The following MAMLD1 variants were observed in gnomAD, a reference collection of about 807,000 sequenced individuals.
MAMLD1 encodes the protein mastermind-like domain-containing protein 1.
Under a neutral mutation model 45.0 loss-of-function variants are expected in MAMLD1, and 14 were observed. The ratio of observed to expected loss-of-function variants is 0.31; its 90% confidence interval spans 0.21 to 0.49. The LOEUF is 0.49. Ranked by LOEUF, MAMLD1 falls within the 20% of genes least tolerant of loss-of-function variation. The pLI, the probability that MAMLD1 is intolerant of heterozygous loss-of-function variation, is 0.99. For missense variants in MAMLD1, 543 were observed against 603.6 expected (o/e 0.90, Z 1.05); for synonymous variants, 254 against 247.8 (o/e 1.02, Z -0.24).
chrX:150,503,856 A>G (rs2148358756), intron 6 of MAMLD1, among the ~76,000 whole-genome samples: 1 of 111,360 alleles, frequency 9.0e-6, no homozygotes, highest in African/African-American at 3.3e-5. Context: ...TTCCATACCT[A>G]CCTGCCTGTC....
chrX:150,404,015 GAA>G (rs1238398788), intron 1 of MAMLD1, among the ~76,000 whole-genome samples: 2 of 79,552 alleles, frequency 2.5e-5, no homozygotes, highest in African/African-American at 1.1e-4. Flanking sequence ...AAGGAAGAAA[GAA>G]GAAGGGAGGG....
chrX:150,431,827 G>A (rs1557404067), intron 1 of MAMLD1, among the ~76,000 whole-genome samples: 1 of 110,714 alleles, frequency 9.0e-6, no homozygotes, highest in Admixed American at 9.6e-5. Context: ...CTTTTGATGG[G>A]CATTTAGGTT....
At chrX:150,409,097 C>G (rs891764427) in intron 1 of MAMLD1, among the ~76,000 whole-genome samples, 7 of 111,391 alleles carry the variant, frequency 6.3e-5, no homozygotes, top group African/African-American at 2.3e-4. Flanking sequence ...TTTGCTCTGG[C>G]CTTGAGTTGT....
chrX:150,394,129 C>CTTTTTTTTTTTT lies in MAMLD1; in HGVS notation c.-64+30613_-64+30624dup, dbSNP rs781904160. 1.3e-3 allele frequency among the ~76,000 whole-genome samples: 16 copies of CTTTTTTTTTTTT among 12,263 alleles called. 1 individual carries two copies. Among genetic ancestry groups the CTTTTTTTTTTTT allele is most frequent in the East Asian group, 3.6e-3 (1 of 280 alleles). 10.6% of individuals were successfully genotyped at this position (12,263 alleles called of 115,157 possible). On this transcript the variant is annotated intron_variant, in intron 1 of 7. Coordinates refer to ENST00000370401, the MANE Select transcript of MAMLD1 (RefSeq NM_005491.5). Reference sequence around the variant, plus strand: ...GGGGTGTAAGGTCTATATCTACATCCTTTTTTTTTTTTTTTTTTTTTTTTT... The same window carrying CTTTTTTTTTTTT: ...GGGGTGTAAGGTCTATATCTACATCCTTTTTTTTTTTTTTTTTTTTTTTTTTTTTTTTTTTTT...
intron 1 of MAMLD1, among the ~76,000 whole-genome samples, chrX:150,427,395 G>A (rs1002693467): frequency 7.1e-5 from 8 of 112,359 alleles, no homozygotes; most frequent in Non-Finnish European, 1.5e-4. Flanking sequence ...GAAAGCAGGA[G>A]TTCTTTTGGC....
chrX:150,449,529 C>T (rs73246842), intron 2 of MAMLD1, among the ~76,000 whole-genome samples: 4 of 111,726 alleles, frequency 3.6e-5, no homozygotes, highest in South Asian at 3.8e-4. Flanking sequence ...TCAAGATTTG[C>T]GCCCATCAGC....
chrX:150,508,882 G>A (rs1456695730), intron 6 of MAMLD1, among the ~76,000 whole-genome samples: 4 of 111,592 alleles, frequency 3.6e-5, no homozygotes, highest in African/African-American at 6.5e-5. Context: ...AGAGATGGCC[G>A]GGCTCCCCTC....
intron 1 of MAMLD1, among the ~76,000 whole-genome samples, chrX:150,387,350 A>G (rs917608027): frequency 5.4e-5 from 6 of 112,012 alleles, no homozygotes; most frequent in Non-Finnish European, 1.1e-4. Context: ...TAAACTGCCA[A>G]CCAGTTTTTA....
intron 5 of MAMLD1, among the ~76,000 whole-genome samples, chrX:150,491,673 G>GAAAC (rs1382289355): frequency 5.4e-5 from 6 of 112,133 alleles, no homozygotes; most frequent in Non-Finnish European, 1.1e-4. Context: ...GGATAAGATA[G>GAAAC]AAACAAGGCT....
At chrX:150,431,047 C>G (rs1327174421) in intron 1 of MAMLD1, among the ~76,000 whole-genome samples, 1 of 112,336 alleles carries the variant, frequency 8.9e-6, no homozygotes, top group African/African-American at 3.2e-5. Flanking sequence ...AATGTCTTTA[C>G]TATGTTGAGT....
intron 1 of MAMLD1, among the ~76,000 whole-genome samples, chrX:150,387,976 T>A (rs781793523): frequency 2.9e-4 from 32 of 112,115 alleles, no homozygotes; most frequent in Non-Finnish European, 4.9e-4. Flanking sequence ...ATAAAAGATA[T>A]TTATTTATAA....
At chrX:150,415,881 G>A (rs1557403030) in intron 1 of MAMLD1, among the ~76,000 whole-genome samples, 12 of 112,464 alleles carry the variant, frequency 1.1e-4, no homozygotes, top group African/African-American at 3.9e-4. Flanking sequence ...TACAGATTTC[G>A]ATTTTGGAGA....
At chrX:150,481,998 AAG>A (rs2036815863) in intron 5 of MAMLD1, among the ~76,000 whole-genome samples, 1 of 106,835 alleles carries the variant, frequency 9.4e-6, no homozygotes, top group South Asian at 4.3e-4. Context: ...GAAAGAAAGA[AAG>A]AAAGAAAGAA....
intron 2 of MAMLD1, among the ~76,000 whole-genome samples, chrX:150,450,231 GCCTGGCAGAAAGC>G (rs1557404999): frequency 4.2e-3 from 470 of 112,641 alleles, no homozygotes; most frequent in African/African-American, 0.014. Context: ...CCACTGCCAA[GCCTGGCAGAAAGC>G]TAGGCTGCTT....
chrX:150,483,462 C>T lies in MAMLD1; in HGVS notation c.2040+9660C>T, dbSNP rs144454362. 3.6e-3 allele frequency among the ~76,000 whole-genome samples: 402 copies of T among 112,574 alleles called. 4 individuals are homozygous for T. The highest frequency in any genetic ancestry group is 6.3e-3 in the Non-Finnish European group (336 of 53,304). On this transcript the variant is annotated intron_variant, in intron 5 of 7. Transcript: ENST00000370401. Reference sequence around the variant, plus strand: ...AATGAGCTGTATCTGCTAGCCATTGCGGAATGCTAAGTTTTGGAAACTGTT... The same window carrying T: ...AATGAGCTGTATCTGCTAGCCATTGTGGAATGCTAAGTTTTGGAAACTGTT...
At chrX:150,480,253 AG>A (rs1227925395) in intron 5 of MAMLD1, among the ~76,000 whole-genome samples, 2 of 112,294 alleles carry the variant, frequency 1.8e-5, no homozygotes, top group East Asian at 5.6e-4. Context: ...TTTAGCTTGA[AG>A]GGGATAGCAG....
chrX:150,503,573 C>T, intron 6 of MAMLD1, 56 bp downstream of exon 6: 1 of 703,766 alleles, frequency 1.4e-6, no homozygotes, highest in South Asian at 2.3e-5. Flanking sequence ...GGCACAGTCC[C>T]CTGCTCAGCC....
intron 2 of MAMLD1, among the ~76,000 whole-genome samples, chrX:150,455,227 G>A (rs370293381): frequency 3.5e-4 from 39 of 112,188 alleles, no homozygotes; most frequent in African/African-American, 1.0e-3. Context: ...CTCCAAATGC[G>A]CACTTTTAAA....
intron 1 of MAMLD1, among the ~76,000 whole-genome samples, chrX:150,409,776 C>T (rs913474413): frequency 8.9e-6 from 1 of 112,287 alleles, no homozygotes; most frequent in Non-Finnish European, 1.9e-5. Context: ...GCAAACCAAA[C>T]AGTATCCACT....
Sources: allele counts gnomAD v4.1 joint callset (sites outside exome capture counted in the v4.1 genomes callset), GRCh38; gene constraint gnomAD v4.1.1; transcripts MANE v1.5; gene names NCBI Gene and HGNC (gene_info 2026-07-23, HGNC 2026-07-21).